The following SEC31B variants were observed in gnomAD, a reference collection of about 807,000 sequenced individuals.
The protein encoded by SEC31B is SEC31 homolog B, COPII component.
Under a neutral mutation model 135.0 loss-of-function variants are expected in SEC31B, and 113 were observed. The ratio of observed to expected loss-of-function variants is 0.84; its 90% CI spans 0.72 to 0.98. The LOEUF (loss-of-function observed/expected upper bound fraction) is 0.98, where lower values mean the gene tolerates loss of function less well. SEC31B is among the 50% of genes least tolerant of loss of function. The pLI is 0.00. For missense variants in SEC31B, 1,296 were observed against 1,421.1 expected (o/e 0.91, Z 1.42); for synonymous variants, 508 against 549.4 (o/e 0.92, Z 1.05).
At chr10:100,497,452 GACAAGACAAGGTAAAACAGGACAACAA>G in intron 16 of SEC31B, 172 bp from the exon 17 acceptor site, 1 of 1,473,764 alleles carries the variant, frequency 6.8e-7, no homozygotes, top group Admixed American at 2.3e-5. Flanking sequence ...ATCATGGTGT[GACAAGACAAGGTAAAACAGGACAACAA>G]AGGATCCCCT....
intron 13 of SEC31B, 144 bp downstream of exon 13, chr10:100,499,016 G>A (rs1851466630): frequency 8.3e-6 from 6 of 724,368 alleles, no homozygotes; most frequent in Non-Finnish European, 1.4e-5. Flanking sequence ...TCTCACTCTG[G>A]TTCTAAGAGA....
chr10:100,518,729 G>A (rs2133702842), intron 1 of SEC31B, among the ~76,000 whole-genome samples: 1 of 152,332 alleles, frequency 6.6e-6, no homozygotes, highest in Non-Finnish European at 1.5e-5. Context: ...ACTGTGACCT[G>A]CTTGAGTAAG....
intron 24 of SEC31B, 51 bp from the exon 25 acceptor site, chr10:100,488,149 A>G: frequency 6.7e-7 from 1 of 1,493,288 alleles, no homozygotes; most frequent in Non-Finnish European, 9.3e-7. Context: ...CTAACACCAC[A>G]CAGGGCCATA....
At chr10:100,492,881 G>A (rs1489558619) in intron 19 of SEC31B, among the ~76,000 whole-genome samples, 2 of 152,140 alleles carry the variant, frequency 1.3e-5, no homozygotes, top group Non-Finnish European at 2.9e-5. Context: ...AGTATGAATT[G>A]GACAAAATAT....
At chr10:100,487,881 C>A in intron 25 of SEC31B, 86 bp from the exon 26 acceptor site, 1 of 1,562,140 alleles carries the variant, frequency 6.4e-7, no homozygotes, top group East Asian at 2.3e-5. Flanking sequence ...GACTTAAGTT[C>A]TGGGGCCCAG....
intron 1 of SEC31B, among the ~76,000 whole-genome samples, chr10:100,517,634 T>C (rs1016295701): frequency 2.6e-5 from 4 of 152,228 alleles, no homozygotes; most frequent in South Asian, 2.1e-4. Context: ...CAATCAAATA[T>C]TTCACTTGGA....
chr10:100,489,913 C>G, intron 21 of SEC31B, 95 bp downstream of exon 21: 1 of 1,534,052 alleles, frequency 6.5e-7, no homozygotes, highest in Non-Finnish European at 8.7e-7. Flanking sequence ...CCCAACAGGG[C>G]CCTAGCCCTC....
At chr10:100,501,207 T>C (rs1851517200) in intron 11 of SEC31B, among the ~76,000 whole-genome samples, 1 of 152,038 alleles carries the variant, frequency 6.6e-6, no homozygotes, top group African/African-American at 2.4e-5. Context: ...ATCATGCCAT[T>C]GTACTCCAGC....
chr10:100,512,824 G>A (rs1359488480), intron 3 of SEC31B, among the ~76,000 whole-genome samples: 1 of 152,210 alleles, frequency 6.6e-6, no homozygotes, highest in East Asian at 1.9e-4. Context: ...TCAGATCTCA[G>A]CTAGTTTCTT....
chr10:100,496,562 A>G (rs1851413556), intron 17 of SEC31B, 131 bp from the exon 18 acceptor site: 1 of 898,524 alleles, frequency 1.1e-6, no homozygotes, highest in South Asian at 1.8e-5. Flanking sequence ...AGGTGAAGGC[A>G]GCAGATGATG....
At position 100,498,433 on chromosome 10, in the gene SEC31B, G is replaced by C. The variant is rs966459586; in HGVS notation, c.1685-226C>G. The C allele has an allele frequency of 9.8e-6, 6 of 609,164 alleles. No individual in the cohort carries two copies. The African/African-American group carries it at 1.1e-4, about 11-fold the overall frequency. 37.7% of individuals were successfully genotyped at this position (609,164 alleles called of 1,614,324 possible). ...AACTGATGTGGCAGTAGCACAGTGT[G>C]AGGTGTGCTTGATCACAGTGGGCAG... On this transcript the variant is annotated intron_variant, in intron 14 of 25. Transcript: ENST00000370345.
intron 22 of SEC31B, 76 bp downstream of exon 22, chr10:100,489,627 G>A: frequency 5.0e-6 from 8 of 1,599,902 alleles, no homozygotes; most frequent in Non-Finnish European, 6.0e-6. Flanking sequence ...GGGAAGGACT[G>A]ACTGAATCCT....
At chr10:100,491,933 C>T (rs1851307496) in intron 19 of SEC31B, among the ~76,000 whole-genome samples, 1 of 152,244 alleles carries the variant, frequency 6.6e-6, no homozygotes, top group Non-Finnish European at 1.5e-5. Context: ...AGCAAGGCAC[C>T]ATCTTGCAAC....
intron 11 of SEC31B, among the ~76,000 whole-genome samples, chr10:100,500,933 G>A (rs181301606): frequency 1.0e-3 from 159 of 152,096 alleles, no homozygotes; most frequent in African/African-American, 3.6e-3. Context: ...CTGGCCAGGC[G>A]CGGTGGCTCA....
chr10:100,497,302 A>C, intron 16 of SEC31B, 22 bp from the exon 17 acceptor site: 1 of 1,610,080 alleles, frequency 6.2e-7, no homozygotes, highest in Non-Finnish European at 8.5e-7. Context: ...GGGTAATTTC[A>C]TTAATGGCAC....
intron 17 of SEC31B, 75 bp downstream of exon 17, chr10:100,497,060 A>G: frequency 1.3e-6 from 2 of 1,559,370 alleles, no homozygotes; most frequent in Non-Finnish European, 1.8e-6. Context: ...CGCCTCTGCT[A>G]GCTCTGCACA....
chr10:100,499,136 A>G, intron 13 of SEC31B, 24 bp downstream of exon 13: 1 of 1,597,390 alleles, frequency 6.3e-7, no homozygotes, highest in Non-Finnish European at 8.6e-7. Flanking sequence ...ACCATAGGTC[A>G]GGCTGACTGG....
chr10:100,490,389 A>C, intron 20 of SEC31B, 67 bp from the exon 21 acceptor site: 4 of 1,437,516 alleles, frequency 2.8e-6, no homozygotes, highest in Non-Finnish European at 3.7e-6. Context: ...AGAGCATATC[A>C]GGGAGAAACA....
intron 24 of SEC31B, 39 bp downstream of exon 24, chr10:100,488,819 G>A (rs766115727): frequency 3.3e-6 from 5 of 1,534,420 alleles, no homozygotes; most frequent in South Asian, 2.6e-5. Context: ...AGCCAGCGAG[G>A]GGTGCGAGGA....
Sources: gnomAD v4.1 joint callset for allele counts (sites outside exome capture counted in the v4.1 genomes callset) on GRCh38, gnomAD v4.1.1 for gene constraint, MANE v1.5 for transcripts, NCBI Gene and HGNC (gene_info 2026-07-23, HGNC 2026-07-21) for gene names.